The following CHRNA7 variants were observed in gnomAD, a reference collection of about 807,000 sequenced individuals.
CHRNA7 encodes the protein cholinergic receptor nicotinic alpha 7 subunit.
CHRNA7 carries 17 observed loss-of-function variants against 48.0 expected under a neutral mutation model. That is an observed-to-expected ratio of 0.35 (90% CI 0.24 to 0.53). The LOEUF (loss-of-function observed/expected upper bound fraction) is 0.53, where lower values mean the gene tolerates loss of function less well. Among genes scored for constraint, CHRNA7 ranks in the 20% least tolerant of loss-of-function variants. The pLI, the probability that CHRNA7 is intolerant of heterozygous loss-of-function variation, is 0.92. For synonymous variants in CHRNA7, 75 were observed against 242.3 expected (o/e 0.31, Z 6.41); for missense variants, 155 against 577.7 (o/e 0.27, Z 7.50).
chr15:32,105,904 C>CT, intron 3 of CHRNA7, among the ~76,000 whole-genome samples: 1 of 152,278 alleles, frequency 6.6e-6, no homozygotes, highest in African/African-American at 2.4e-5. Flanking sequence ...TAAAACAAAC[C>CT]TTAACAGTCA....
chr15:32,168,754 G>GTTTTTTT lies in CHRNA7; in HGVS notation c.*296_*297insTTTTTTT. ...CCCACTGCCTGGAAAGCCCTTCGGA[G>GTTTTTTT]AGCTCCCCATGGCTCCTCACCACCG... On this transcript the variant is annotated 3_prime_UTR_variant, in exon 10 of 10. Transcript: ENST00000306901. 1 of 82,328 alleles carries GTTTTTTT rather than the reference G, an allele frequency of 1.2e-5. No individual in the cohort carries two copies. The highest frequency in any genetic ancestry group is 2.1e-5 in the Non-Finnish European group (1 of 48,258). 5.1% of individuals were successfully genotyped at this position (82,328 alleles called of 1,614,324 possible).
chr15:32,115,162 G>A (rs920319836), intron 4 of CHRNA7, among the ~76,000 whole-genome samples: 3 of 152,162 alleles, frequency 2.0e-5, no homozygotes, highest in Non-Finnish European at 4.4e-5. Flanking sequence ...TCAAGAAAGG[G>A]GAAATCAGCA....
chr15:32,033,681 A>G (rs1187786754), intron 2 of CHRNA7, among the ~76,000 whole-genome samples: 1 of 152,224 alleles, frequency 6.6e-6, no homozygotes, highest in Non-Finnish European at 1.5e-5. Flanking sequence ...AGGTCTCTCC[A>G]GCTGAAATCT....
chr15:32,154,743 A>C (rs376833918), intron 5 of CHRNA7, among the ~76,000 whole-genome samples: 912 of 135,424 alleles, frequency 6.7e-3, no homozygotes, highest in East Asian at 0.059. Context: ...TTCTGCTCAG[A>C]GGCAACCTGC....
chr15:32,044,253 C>CTCCTTCCTTCCT (rs10638387), intron 2 of CHRNA7, among the ~76,000 whole-genome samples: 41,774 of 140,754 alleles, frequency 0.3, 6,963 homozygotes, highest in Non-Finnish European at 0.33. Flanking sequence ...CGATCTTTTC[C>CTCCTTCCTTCCT]TCCTTCCTTC....
chr15:32,050,166 G>A (rs986460620), intron 2 of CHRNA7, among the ~76,000 whole-genome samples: 24 of 152,204 alleles, frequency 1.6e-4, no homozygotes, highest in African/African-American at 5.3e-4. Flanking sequence ...GGTGTTCTCT[G>A]TATTTCCTGA....
chr15:32,070,669 C>CTTTTTTTTTTTTTTTTTTTTTTTTTTTT lies in CHRNA7; in HGVS notation c.196-30626_196-30599dup, dbSNP rs71113441. On this transcript the variant is annotated intron_variant, in intron 2 of 9. Coordinates refer to ENST00000306901, the MANE Select transcript of CHRNA7 (RefSeq NM_000746.6). ...TGTGTGAACATGTGAGGTTTAGTTC[C>CTTTTTTTTTTTTTTTTTTTTTTTTTTTT]TTTTTTTTTTTTTTTTTTTTTTTTT... 4.9e-5 allele frequency among the ~76,000 whole-genome samples: 2 copies of CTTTTTTTTTTTTTTTTTTTTTTTTTTTT among 40,894 alleles called. 1 individual carries two copies. The highest frequency in any genetic ancestry group is 1.9e-4 in the African/African-American group (2 of 10,772). The allele number at this position is 40,894 out of a possible 152,430, so 26.8% of individuals were successfully genotyped here.
At chr15:32,114,019 A>AATATATATAT (rs57220454) in intron 4 of CHRNA7, among the ~76,000 whole-genome samples, 3 of 109,164 alleles carry the variant, frequency 2.7e-5, no homozygotes, top group African/African-American at 1.1e-4. Flanking sequence ...GCTATCTCCA[A>AATATATATAT]ATATATATAT....
chr15:32,093,712 A>G (rs1421236106), intron 2 of CHRNA7, among the ~76,000 whole-genome samples: 1 of 152,180 alleles, frequency 6.6e-6, no homozygotes, highest in Non-Finnish European at 1.5e-5. Context: ...CCAGTTTTCC[A>G]TCTTGTCATC....
chr15:32,099,322 G>C (rs958555081), intron 2 of CHRNA7: 1 of 152,216 alleles, frequency 6.6e-6, no homozygotes, highest in South Asian at 2.1e-4. Context: ...ATTGTTCTGG[G>C]AGCATGGTTC....
chr15:32,054,526 A>G (rs1224423790), intron 2 of CHRNA7, among the ~76,000 whole-genome samples: 1 of 152,198 alleles, frequency 6.6e-6, no homozygotes, highest in East Asian at 1.9e-4. Context: ...GTGGGTTACC[A>G]CAAAGTGAAC....
intron 2 of CHRNA7, among the ~76,000 whole-genome samples, chr15:32,078,181 A>G (rs2050163004): frequency 6.6e-6 from 1 of 152,052 alleles, no homozygotes; most frequent in South Asian, 2.1e-4. Context: ...TTGGCTTCTC[A>G]TTATCTTGAA....
intron 2 of CHRNA7, among the ~76,000 whole-genome samples, chr15:32,055,098 A>AT (rs1422150102): frequency 5.3e-5 from 8 of 152,086 alleles, no homozygotes; most frequent in South Asian, 2.1e-4. Context: ...GTGGAGTGAC[A>AT]TTTTCTTGTG....
At chr15:32,150,874 C>T (rs761921926) in intron 4 of CHRNA7, among the ~76,000 whole-genome samples, 43 of 151,936 alleles carry the variant, frequency 2.8e-4, no homozygotes, top group Non-Finnish European at 5.3e-4. Flanking sequence ...ATACAGACTA[C>T]GGTCAAGCAA....
chr15:32,134,449 C>T (rs1184812106), intron 4 of CHRNA7, among the ~76,000 whole-genome samples: 1 of 152,224 alleles, frequency 6.6e-6, no homozygotes, highest in Non-Finnish European at 1.5e-5. Flanking sequence ...TGAGCCACCA[C>T]ACCTGGCCTG....
intron 2 of CHRNA7, among the ~76,000 whole-genome samples, chr15:32,091,259 A>G (rs1482624705): frequency 6.6e-6 from 1 of 152,058 alleles, no homozygotes; most frequent in African/African-American, 2.4e-5. Flanking sequence ...TCTTTCACTC[A>G]TGGAAAATGT....
chr15:32,136,834 A>G (rs1202415637), intron 4 of CHRNA7, among the ~76,000 whole-genome samples: 1 of 150,100 alleles, frequency 6.7e-6, no homozygotes, highest in South Asian at 2.1e-4. Context: ...GATCGAGACC[A>G]TCCCGGCTAA....
At chr15:32,081,783 A>G (rs1033838109) in intron 2 of CHRNA7, among the ~76,000 whole-genome samples, 4 of 152,116 alleles carry the variant, frequency 2.6e-5, no homozygotes, top group Admixed American at 2.0e-4. Context: ...AAGTTCCATT[A>G]TATTTACCCA....
rs1595377113 is a variant in CHRNA7, at chr15:32,043,210, A to G, written c.195+12173A>G. 2.7e-5 allele frequency among the ~76,000 whole-genome samples: 4 copies of G among 148,602 alleles called. 1 individual carries two copies. The Middle Eastern group carries it at 0.014, about 505-fold the overall frequency. On this transcript the variant is annotated intron_variant, in intron 2 of 9. Transcript: ENST00000306901. ...CTTCATTAACTCTTACCATCACTGCATATTCAATCTATATTCCTTTTGTAA... is the reference window on the plus strand; with the variant it reads ...CTTCATTAACTCTTACCATCACTGCGTATTCAATCTATATTCCTTTTGTAA...
Sources: gnomAD v4.1 joint callset for allele counts (sites outside exome capture counted in the v4.1 genomes callset) on GRCh38, gnomAD v4.1.1 for gene constraint, MANE v1.5 for transcripts, NCBI Gene and HGNC (gene_info 2026-07-23, HGNC 2026-07-21) for gene names.